Variants in ATP1B4 observed in about 807,000 individuals in gnomAD.
ATP1B4 encodes the protein protein ATP1B4.
Under a neutral mutation model 29.6 loss-of-function variants are expected in ATP1B4, and 32 were observed. The observed-to-expected ratio is 1.08, with a 90% CI of 0.82 to 1.45. The LOEUF is 1.45. Ranked by LOEUF, ATP1B4 falls within the 40% of genes most tolerant of loss-of-function variation. The probability of loss-of-function intolerance (pLI) is 0.00; values close to 1 mark genes in which losing one functional copy is unlikely to be tolerated. For synonymous variants in ATP1B4, 127 were observed against 102.1 expected, an observed-to-expected ratio of 1.24 and a Z score of -1.47; for missense variants, 323 against 276.2, an observed-to-expected ratio of 1.17 and a Z score of -1.20.
At chrX:120,369,848 C>T (rs2058304201) in intron 2 of ATP1B4, among the ~76,000 whole-genome samples, 3 of 112,173 alleles carry the variant, frequency 2.7e-5, no homozygotes, top group Non-Finnish European at 5.6e-5. Flanking sequence ...GAAGTAAGTA[C>T]CACTATTGTA....
chrX:120,367,719 G>A (rs1484434443), intron 2 of ATP1B4, among the ~76,000 whole-genome samples: 4 of 111,594 alleles, frequency 3.6e-5, no homozygotes, highest in Non-Finnish European at 7.5e-5. Flanking sequence ...GAAATTGATG[G>A]CCATGTCTTC....
At chrX:120,369,226 C>A (rs1038086569) in intron 2 of ATP1B4, among the ~76,000 whole-genome samples, 7 of 112,305 alleles carry the variant, frequency 6.2e-5, no homozygotes, top group African/African-American at 2.3e-4. Flanking sequence ...AGGGCAAATG[C>A]CATTAGATAG....
rs2058373650 is a variant in ATP1B4, at chrX:120,379,749, A to G, written c.*115A>G. ...ACACAGCCAGATGGACATCTAAGAC[A>G]GCCGATCATCTTTCCTTGCCTATGA... On this transcript the variant is annotated 3_prime_UTR_variant, in exon 8 of 8. Transcript: ENST00000218008. The G allele has an allele frequency of 2.6e-6, 2 of 769,205 alleles. No individual in the cohort carries two copies. The highest frequency in any genetic ancestry group is 3.6e-6 in the Non-Finnish European group (2 of 550,191). The allele number at this position is 769,205 out of a possible 1,213,427, so 63.4% of individuals were successfully genotyped here. A position where few individuals can be genotyped will look rare whatever the true frequency, so the allele number is the denominator to read the frequency against.
At chrX:120,379,416 A>T in intron 7 of ATP1B4, 57 bp from the exon 8 acceptor site, 3 of 1,068,212 alleles carry the variant, frequency 2.8e-6, no homozygotes, top group Non-Finnish European at 3.8e-6. Flanking sequence ...TGATTATCTG[A>T]TCACTTCCCT....
intron 7 of ATP1B4, 110 bp from the exon 8 acceptor site, chrX:120,379,363 T>C (rs2058371501): frequency 2.7e-6 from 2 of 731,376 alleles, no homozygotes; most frequent in Non-Finnish European, 3.9e-6. Context: ...ATTGGCATCA[T>C]GGGATTTACT....
At chrX:120,374,610 T>TATATATACCCTTATATATA (rs2058333292) in intron 4 of ATP1B4, among the ~76,000 whole-genome samples, 1 of 49,026 alleles carries the variant, frequency 2.0e-5, no homozygotes, top group African/African-American at 1.1e-4. Context: ...ATATATAATA[T>TATATATACCCTTATATATA]ATATATACCC....
intron 2 of ATP1B4, among the ~76,000 whole-genome samples, chrX:120,369,850 A>AATG (rs1926187988): frequency 2.7e-5 from 3 of 112,403 alleles, no homozygotes; most frequent in Non-Finnish European, 5.6e-5. Context: ...AGTAAGTACC[A>AATG]CTATTGTACA....
intron 2 of ATP1B4, among the ~76,000 whole-genome samples, chrX:120,369,301 A>G (rs755786471): frequency 3.7e-4 from 42 of 112,350 alleles, no homozygotes; most frequent in African/African-American, 1.3e-3. Context: ...AGGGACTCCA[A>G]CTGAATCAAT....
At chrX:120,376,824 G>C (rs1003598127) in intron 6 of ATP1B4, among the ~76,000 whole-genome samples, 4 of 112,555 alleles carry the variant, frequency 3.6e-5, no homozygotes, top group Non-Finnish European at 1.9e-5. Flanking sequence ...GCTTTCATTA[G>C]AGTCATTAGT....
intron 6 of ATP1B4, among the ~76,000 whole-genome samples, chrX:120,376,985 T>C (rs73219129): frequency 8.9e-6 from 1 of 112,173 alleles, no homozygotes; most frequent in East Asian, 2.8e-4. Context: ...TTCTATCTCA[T>C]CTGCACCAAT....
At chrX:120,378,992 C>T (rs923361145) in intron 7 of ATP1B4, among the ~76,000 whole-genome samples, 5 of 111,245 alleles carry the variant, frequency 4.5e-5, no homozygotes, top group Non-Finnish European at 7.5e-5. Flanking sequence ...TTTAAGTTTA[C>T]GAATGGGAAA....
At chrX:120,379,252 G>A (rs2058370960) in intron 7 of ATP1B4, among the ~76,000 whole-genome samples, 1 of 111,708 alleles carries the variant, frequency 9.0e-6, no homozygotes, top group Admixed American at 9.5e-5. Flanking sequence ...TTTTCCCAGA[G>A]GACAATCAGA....
At chrX:120,371,007 C>G in intron 3 of ATP1B4, 99 bp from the exon 4 acceptor site, 1 of 1,023,364 alleles carries the variant, frequency 9.8e-7, no homozygotes, top group East Asian at 3.0e-5. Flanking sequence ...TGGTTCTTTT[C>G]ATTTTGATTG....
intron 2 of ATP1B4, among the ~76,000 whole-genome samples, chrX:120,368,435 AT>A (rs939484081): frequency 3.6e-5 from 4 of 112,206 alleles, no homozygotes; most frequent in African/African-American, 1.3e-4. Context: ...TATGAATATA[AT>A]CTGGGCCTTT....
At chrX:120,378,865 G>T (rs2058369133) in intron 7 of ATP1B4, 92 bp downstream of exon 7, 1 of 786,980 alleles carries the variant, frequency 1.3e-6, no homozygotes, top group Admixed American at 2.3e-5. Flanking sequence ...GGGAGCAGGA[G>T]ATAGTAGAGG....
intron 1 of ATP1B4, 142 bp from the exon 2 acceptor site, chrX:120,366,383 T>A: frequency 1.5e-6 from 1 of 675,765 alleles, no homozygotes; most frequent in South Asian, 3.3e-5. Context: ...ATCCACCTCT[T>A]GTAACAACAT....
In ATP1B4 at chrX:120,371,152, C is replaced by T. The variant is rs955969946; in HGVS notation, c.504C>T (p.Asn168=). 19 of 1,209,701 alleles carry T rather than the reference C, an allele frequency of 1.6e-5. No homozygotes were observed. The highest frequency in any genetic ancestry group is 2.0e-5 in the Non-Finnish European group (18 of 894,976). Residue 168 remains asparagine (N), a synonymous_variant, in exon 4 of 8, where the codon AAC becomes AAT. Coordinates refer to ENST00000218008, the MANE Select transcript of ATP1B4 (RefSeq NM_001142447.3). ...CCCATAGCCTTAACTTCAACTTCAACGTTTCTGAACCCGACACTTGGCAGC... is the reference window on the plus strand; with the variant it reads ...CCCATAGCCTTAACTTCAACTTCAATGTTTCTGAACCCGACACTTGGCAGC... ...PFAHSLNFNF[N]VSEPDTWQHY... is the part of the protein sequence containing the mutation.
Position 120,382,657 on chromosome X carries a change from A to G in ATP1B4, c.*3023A>G, listed in dbSNP as rs1309957242. ...AAACGTATGTAAATTTTGAGTTAAA[A>G]TAGTTAACATTTCACAGGAATTCAA... On this transcript the variant is annotated 3_prime_UTR_variant, in exon 8 of 8. Transcript: ENST00000218008. 1.8e-5 allele frequency: 2 copies of G among 112,474 alleles called. No individual in the cohort carries two copies. Among genetic ancestry groups the G allele is most frequent in the Non-Finnish European group, 3.8e-5 (2 of 53,273 alleles). 9.3% of individuals were successfully genotyped at this position (112,474 alleles called of 1,213,427 possible).
At chrX:120,370,415 C>T (rs1054587311) in intron 2 of ATP1B4, among the ~76,000 whole-genome samples, 3 of 111,677 alleles carry the variant, frequency 2.7e-5, no homozygotes, top group Non-Finnish European at 3.8e-5. Context: ...AGAGGACTCT[C>T]AAGCAATTTT....
Sources: gnomAD v4.1 joint callset for allele counts (sites outside exome capture counted in the v4.1 genomes callset) on GRCh38, gnomAD v4.1.1 for gene constraint, MANE v1.5 for transcripts, NCBI Gene and HGNC (gene_info 2026-07-23, HGNC 2026-07-21) for gene names.